WEE1: variants seen among roughly 807,000 people sequenced by gnomAD.
The protein encoded by WEE1 is wee1-like protein kinase.
WEE1 carries 16 observed loss-of-function variants against 68.8 expected under a neutral mutation model. The ratio of observed to expected loss-of-function variants is 0.23; its 90% CI spans 0.16 to 0.35. The LOEUF (loss-of-function observed/expected upper bound fraction) is 0.35. Among genes scored for constraint, WEE1 ranks in the 10% least tolerant of loss-of-function variants. The pLI is 1.00. For synonymous variants in WEE1, 349 were observed against 318.7 expected (o/e 1.09, Z -1.01); for missense variants, 651 against 824.1 (o/e 0.79, Z 2.57).
At chr11:9,583,800 CACATATATATATATATATATAT>C (rs1341509336) in intron 6 of WEE1, among the ~76,000 whole-genome samples, 24 of 18,164 alleles carry the variant, frequency 1.3e-3, no homozygotes, top group Non-Finnish European at 2.0e-3. Context: ...CACACACACA[CACATATATATATATATATATAT>C]ATATATATAT....
intron 1 of WEE1, chr11:9,575,575 A>G (rs976267080): frequency 3.0e-5 from 10 of 337,392 alleles, no homozygotes; most frequent in African/African-American, 6.6e-5. Context: ...ACTGCTTTCT[A>G]TTTTTGGATG....
At chr11:9,577,808 G>T in intron 5 of WEE1, 1 of 448,896 alleles carries the variant, frequency 2.2e-6, no homozygotes, top group South Asian at 1.6e-5. Flanking sequence ...TCTCTAGCTT[G>T]TCGTCTCTCC....
rs1849540845 is a variant in WEE1, at chr11:9,574,426, T to A, written c.493T>A (p.Ser165Thr). The A allele has an allele frequency of 1.6e-6, 2 of 1,216,278 alleles. No individual in the cohort carries two copies. The highest frequency in any genetic ancestry group is 1.6e-5 in the African/African-American group (1 of 62,482). The allele number at this position is 1,216,278 out of a possible 1,614,324, so 75.3% of individuals were successfully genotyped here. The stretch of plus-strand genomic sequence containing the variant: ...GCGCCGGGCGGGCGAAGGCCGCCGC[T>A]CGCCGCGGCCGGACCACCCGGGCAC... The part of the protein sequence containing the change: ...GARRAGEGRR[S>T]PRPDHPGTPP... The change falls in exon 1 of 11, where the codon TCG (serine) becomes ACG (threonine). Residue 165 changes from serine (S) to threonine (T), a missense_variant. Ser to Thr is a moderately conservative substitution (Grantham distance 58). This residue lies in a region of WEE1 where 395 missense variants were observed against 378.4 expected (regional missense o/e 1.04). Transcript: ENST00000450114. This position sits in a 1 kb window ranked among gnomAD's most constrained non-coding sequence, Gnocchi z 4.9.
Position 9,576,509 on chromosome 11 carries a change from A to G in WEE1, c.869A>G (p.Asn290Ser). 1 of 1,611,912 alleles carries G rather than the reference A, an allele frequency of 6.2e-7. No homozygotes were observed. ...CAGAGAATTACAATTACTGAAAGCA[A>G]TATGAAGTCCCGGTATACAACAGAA... The part of the protein sequence containing the change: ...PAKRITITES[N>S]MKSRYTTEFH... The change falls in exon 4 of 11, where the codon AAT becomes AGT. Residue 290 changes from asparagine (N) to serine (S), a missense_variant. Coordinates refer to ENST00000450114, the MANE Select transcript of WEE1 (RefSeq NM_003390.4). This position sits in a 1 kb window ranked among gnomAD's most constrained non-coding sequence, Gnocchi z 4.3.
rs1178438204 is a variant in WEE1, at chr11:9,576,333, T to C, written c.846+40T>C. ...ATTTTTATTTTTTTGAAATTTACTT[T>C]TCTGCCACTTAAAGCATGCTATGAA... On this transcript the variant is annotated intron_variant, in intron 3 of 10. Transcript: ENST00000450114. The surrounding 1 kb of genome is among the most constrained non-coding windows in gnomAD (Gnocchi z 4.3). 6.5e-7 allele frequency: 1 copy of C among 1,532,444 alleles called. No homozygotes were observed. The highest frequency in any genetic ancestry group is 8.8e-7 in the Non-Finnish European group (1 of 1,136,364). 94.9% of individuals were successfully genotyped at this position (1,532,444 alleles called of 1,614,324 possible).
Position 9,589,563 on chromosome 11 carries a change from A to C in WEE1, c.*961A>C. On this transcript the variant is annotated 3_prime_UTR_variant, in exon 11 of 11. Coordinates refer to ENST00000450114, the MANE Select transcript of WEE1 (RefSeq NM_003390.4). Reference sequence around the variant, plus strand: ...GTTTGAAATGCCAGAATGACTTCTGACATTCCAAGTTTTTCACAAAATATA... The same window carrying C: ...GTTTGAAATGCCAGAATGACTTCTGCCATTCCAAGTTTTTCACAAAATATA... 2 of 985,718 alleles carry C rather than the reference A, an allele frequency of 2.0e-6. No homozygotes were observed. Among genetic ancestry groups the C allele is most frequent in the Non-Finnish European group, 2.4e-6 (2 of 829,876 alleles). The allele number at this position is 985,718 out of a possible 1,614,324, so 61.1% of individuals were successfully genotyped here. A position where few individuals can be genotyped will look rare whatever the true frequency, so the allele number is the denominator to read the frequency against.
intron 5 of WEE1, chr11:9,578,268 C>G (rs889301692): frequency 5.9e-6 from 1 of 168,878 alleles, no homozygotes; most frequent in East Asian, 1.8e-4. Context: ...TAAACAAGAC[C>G]AGTTATCTCA....
At chr11:9,575,111 G>C (rs1849550268) in intron 1 of WEE1, 1 of 985,424 alleles carries the variant, frequency 1.0e-6, no homozygotes, top group African/African-American at 1.7e-5. Flanking sequence ...ACTGAGGCCT[G>C]TTTCTGGACA....
At chr11:9,577,312 G>T in intron 5 of WEE1, 49 bp downstream of exon 5, 3 of 1,587,858 alleles carry the variant, frequency 1.9e-6, no homozygotes, top group Non-Finnish European at 1.7e-6. Context: ...TGAACATCGA[G>T]GAAATATTTA....
At chr11:9,581,766 C>T in intron 6 of WEE1, 88 bp downstream of exon 6, 1 of 1,310,184 alleles carries the variant, frequency 7.6e-7, no homozygotes. Flanking sequence ...AAATATATAT[C>T]TTCTGTTTTC....
rs1454866793 is a variant in WEE1, at chr11:9,574,241, A to G, written c.308A>G (p.Asp103Gly). The G allele has an allele frequency of 8.4e-7, 1 of 1,192,678 alleles. No homozygotes were observed. Among genetic ancestry groups the G allele is most frequent in the Non-Finnish European group, 1.0e-6 (1 of 961,792 alleles). The allele number at this position is 1,192,678 out of a possible 1,614,324, so 73.9% of individuals were successfully genotyped here. A position where few individuals can be genotyped will look rare whatever the true frequency, so the allele number is the denominator to read the frequency against. The change falls in exon 1 of 11, where the codon GAC becomes GGC. Residue 103 changes from aspartate to glycine, a missense_variant. Physicochemically the swap from Asp to Gly is moderately conservative, Grantham distance 94. Around this residue, in one of 5 missense-constraint regions of WEE1, gnomAD observed 395 missense variants for 378.4 expected, o/e 1.04. Coordinates refer to ENST00000450114, the MANE Select transcript of WEE1 (RefSeq NM_003390.4). The surrounding 1 kb of genome is among the most constrained non-coding windows in gnomAD (Gnocchi z 4.9). ...CTGCCCGGCGCCTGCCCGGGCGCGG[A>G]CGAGGCGGGCGGTGGGGCGGAGGGC... ...LLLPGACPGA[D>G]EAGGGAEGDS...
chr11:9,582,756 C>CGG (rs1324528059), intron 6 of WEE1, among the ~76,000 whole-genome samples: 1 of 151,932 alleles, frequency 6.6e-6, no homozygotes, highest in Non-Finnish European at 1.5e-5. Flanking sequence ...TTAGTAGAGA[C>CGG]GGGTTTCACC....
Position 9,574,926 on chromosome 11 carries a change from C to T in WEE1, c.576+417C>T. ...GCGATCGGGCCTGTAATTTGGGCGG[C>T]GCGGGCAGAAGGAGTTTAAAGAAAA... On this transcript the variant is annotated intron_variant, in intron 1 of 10. Transcript: ENST00000450114. The surrounding 1 kb of genome is among the most constrained non-coding windows in gnomAD (Gnocchi z 4.9). 5.1e-6 allele frequency: 5 copies of T among 985,850 alleles called. No individual in the cohort carries two copies. Among genetic ancestry groups the T allele is most frequent in the Non-Finnish European group, 6.0e-6 (5 of 830,242 alleles). 61.1% of individuals were successfully genotyped at this position (985,850 alleles called of 1,614,324 possible).
chr11:9,588,706 A>C lies in WEE1; in HGVS notation c.*104A>C. On this transcript the variant is annotated 3_prime_UTR_variant, in exon 11 of 11. Coordinates refer to ENST00000450114, the MANE Select transcript of WEE1 (RefSeq NM_003390.4). Reference sequence around the variant, plus strand: ...AATTACTTTCTCGATTGGTGTCAGTAGTTTTACTGATTAGGACTTTTATTG... The same window carrying C: ...AATTACTTTCTCGATTGGTGTCAGTCGTTTTACTGATTAGGACTTTTATTG... 1 of 1,396,794 alleles carries C rather than the reference A, an allele frequency of 7.2e-7. No homozygotes were observed. Among genetic ancestry groups the C allele is most frequent in the African/African-American group, 1.5e-5 (1 of 68,632 alleles). 86.5% of individuals were successfully genotyped at this position (1,396,794 alleles called of 1,614,324 possible). A position where few individuals can be genotyped will look rare whatever the true frequency, so the allele number is the denominator to read the frequency against.
chr11:9,574,358 G>T lies in WEE1; in HGVS notation c.425G>T (p.Arg142Leu). 8.0e-7 allele frequency: 1 copy of T among 1,242,758 alleles called. No individual in the cohort carries two copies. The highest frequency in any genetic ancestry group is 1.0e-6 in the Non-Finnish European group (1 of 994,422). 77.0% of individuals were successfully genotyped at this position (1,242,758 alleles called of 1,614,324 possible). Residue 142 changes from arginine (R) to leucine (L), a missense_variant, in exon 1 of 11, where the codon CGC becomes CTC. Transcript: ENST00000450114. The surrounding 1 kb of genome is among the most constrained non-coding windows in gnomAD (Gnocchi z 4.9). ...CTGGGTAGCTCTTTCTCGCCGGTGC[G>T]CTGCGGCGGCCCAGGAGATGCGTCG... ...YFLGSSFSPVRCGGPGDASPR... is the reference protein window; with the variant it reads ...YFLGSSFSPVLCGGPGDASPR...
At chr11:9,578,517 C>T (rs1033710622) in intron 5 of WEE1, 1 of 152,226 alleles carries the variant, frequency 6.6e-6, no homozygotes, top group African/African-American at 2.4e-5. Flanking sequence ...CTATCACAAC[C>T]TTATGGATTA....
intron 5 of WEE1, chr11:9,577,543 C>T: frequency 5.2e-6 from 2 of 385,674 alleles, no homozygotes; most frequent in Non-Finnish European, 9.7e-6. Flanking sequence ...ATTTTGGTGT[C>T]CGTAGTACCT....
At chr11:9,575,180 C>T (rs879542721) in intron 1 of WEE1, 124 of 985,378 alleles carry the variant, frequency 1.3e-4, no homozygotes, top group Non-Finnish European at 1.4e-4. Context: ...GTTTGGCCGG[C>T]CTCCGTGTGA....
chr11:9,585,279 C>T lies in WEE1; in HGVS notation c.1310C>T (p.Thr437Ile). Residue 437 changes from threonine to isoleucine, a missense_variant, in exon 7 of 11, where the codon ACC becomes ATC. Around this residue, in one of 5 missense-constraint regions of WEE1, gnomAD observed 82 missense variants for 123.2 expected, o/e 0.67. Coordinates refer to ENST00000450114, the MANE Select transcript of WEE1 (RefSeq NM_003390.4). ...ACAGGTAATATTTTCATATCTCGAACCTCAATCCCAAATGCTGCCTCTGAA... is the reference window on the plus strand; with the variant it reads ...ACAGGTAATATTTTCATATCTCGAATCTCAATCCCAAATGCTGCCTCTGAA... The part of the protein sequence containing the change: ...IKPSNIFISR[T>I]SIPNAASEEG... 1 of 1,613,894 alleles carries T rather than the reference C, an allele frequency of 6.2e-7. No individual in the cohort carries two copies. The highest frequency in any genetic ancestry group is 8.5e-7 in the Non-Finnish European group (1 of 1,179,882).
Sources: gnomAD v4.1 joint callset for allele counts (sites outside exome capture counted in the v4.1 genomes callset) on GRCh38, gnomAD v4.1.1 for gene constraint, gnomAD v4.1.1 regional missense constraint, Gnocchi (gnomAD v3.1) non-coding constraint, MANE v1.5 for transcripts, NCBI Gene and HGNC (gene_info 2026-07-23, HGNC 2026-07-21) for gene names.